ROBO1: variants seen among roughly 807,000 people sequenced by gnomAD.
ROBO1 encodes roundabout homolog 1.
Under a neutral mutation model 195.9 loss-of-function variants are expected in ROBO1, and 149 were observed. The observed-to-expected ratio is 0.76, with a 90% confidence interval of 0.67 to 0.87. The LOEUF is 0.87. ROBO1 is among the 40% of genes least tolerant of loss of function. ROBO1 has a pLI of 0.00. For missense variants in ROBO1, 1,933 were observed against 2,068.3 expected, an observed-to-expected ratio of 0.93 and a Z score of 1.27; for synonymous variants, 816 against 733.2, an observed-to-expected ratio of 1.11 and a Z score of -1.82.
At chr3:79,385,079 T>C (rs1036634458) in intron 2 of ROBO1, among the ~76,000 whole-genome samples, 6 of 152,128 alleles carry the variant, frequency 3.9e-5, no homozygotes, top group Non-Finnish European at 8.8e-5. Flanking sequence ...AAGTGTACCA[T>C]GAAAAAGCTT....
intron 2 of ROBO1, among the ~76,000 whole-genome samples, chr3:79,173,707 G>C (rs1333475861): frequency 2.6e-5 from 4 of 152,150 alleles, no homozygotes; most frequent in African/African-American, 4.8e-5. Context: ...GAGGAGTGCG[G>C]GCACAGGGTG....
At position 79,089,986 on chromosome 3, in the gene ROBO1, C is replaced by A. The variant is rs143323386; in HGVS notation, c.172+35470G>T. On this transcript the variant is annotated intron_variant, in intron 3 of 30. Coordinates refer to ENST00000464233, the MANE Select transcript of ROBO1 (RefSeq NM_002941.4). ...ACGGAGTCTTCCTCTGTTGCCCAGG[C>A]TGGAGTGCAGTGGTGCAATCTTGGC... Among the ~76,000 whole-genome samples, 1,116 of 149,650 alleles carry A rather than the reference C, an allele frequency of 7.5e-3. 22 individuals carry two copies. Among genetic ancestry groups the A allele is most frequent in the African/African-American group, 0.026 (1,068 of 40,374 alleles).
rs1707383118 is a variant in ROBO1 at position 78,661,242 on chromosome 3, T to C, written c.2108A>G (p.Tyr703Cys). 4.4e-6 allele frequency: 7 copies of C among 1,583,836 alleles called. No individual in the cohort carries two copies. Among genetic ancestry groups the C allele is most frequent in the Non-Finnish European group, 6.0e-6 (7 of 1,161,962 alleles). ...ATAGAGAATTTTATATCCTTGTATATACTGAGACTGTTGATCTACCTATTA... is the reference window on the plus strand; with the variant it reads ...ATAGAGAATTTTATATCCTTGTATACACTGAGACTGTTGATCTACCTATTA... ...VHWTVDQQSQ[Y>C]IQGYKILYRP... The change falls in exon 16 of 31, where the codon TAT (tyrosine) becomes TGT (cysteine). Residue 703 changes from tyrosine to cysteine, a missense_variant. Physicochemically the swap from Tyr to Cys is radical, Grantham distance 194 (BLOSUM62 -2). Transcript: ENST00000464233.
intron 2 of ROBO1, among the ~76,000 whole-genome samples, chr3:79,476,276 T>C (rs1938541956): frequency 6.6e-6 from 1 of 152,112 alleles, no homozygotes; most frequent in South Asian, 2.1e-4. Context: ...GGGAACACTT[T>C]TGCACTGCTG....
At chr3:78,896,384 A>C (rs529718037) in intron 4 of ROBO1, among the ~76,000 whole-genome samples, 1 of 152,112 alleles carries the variant, frequency 6.6e-6, no homozygotes, top group Non-Finnish European at 1.5e-5. Context: ...GCCTTAACTG[A>C]TGACATTCCA....
At chr3:79,204,852 T>C (rs1004667224) in intron 2 of ROBO1, among the ~76,000 whole-genome samples, 1 of 152,234 alleles carries the variant, frequency 6.6e-6, no homozygotes, top group Non-Finnish European at 1.5e-5. Flanking sequence ...AAATTGCTTT[T>C]TTCTAACTTT....
intron 4 of ROBO1, among the ~76,000 whole-genome samples, chr3:78,876,306 C>A (rs2107203376): frequency 6.6e-6 from 1 of 152,102 alleles, no homozygotes; most frequent in East Asian, 1.9e-4. Flanking sequence ...TTAGAGACAA[C>A]TATACTTGAA....
intron 3 of ROBO1, among the ~76,000 whole-genome samples, chr3:78,961,189 C>T (rs1028372202): frequency 2.6e-5 from 4 of 152,106 alleles, no homozygotes; most frequent in African/African-American, 9.7e-5. Flanking sequence ...CTTTGCAAAT[C>T]TGACACCCAA....
chr3:79,234,948 T>C (rs999352257), intron 2 of ROBO1, among the ~76,000 whole-genome samples: 5 of 152,044 alleles, frequency 3.3e-5, no homozygotes, highest in African/African-American at 1.2e-4. Context: ...GTAGCAAACT[T>C]GCACACGTAC....
At chr3:79,759,857 A>G (rs1361367722) in intron 1 of ROBO1, among the ~76,000 whole-genome samples, 2 of 152,160 alleles carry the variant, frequency 1.3e-5, no homozygotes, top group African/African-American at 4.8e-5. Flanking sequence ...CCACCCACAT[A>G]TGGAACACTT....
At chr3:78,746,671 CTCTTTTT>C in intron 5 of ROBO1, 65 bp downstream of exon 5, 1 of 1,253,504 alleles carries the variant, frequency 8.0e-7, no homozygotes. Context: ...CTTCATTTTT[CTCTTTTT>C]TCTTTGGTAA....
chr3:78,921,092 T>A (rs891025778), intron 4 of ROBO1, among the ~76,000 whole-genome samples: 2 of 152,170 alleles, frequency 1.3e-5, no homozygotes, highest in African/African-American at 2.4e-5. Context: ...TTAATAAACA[T>A]AAATCAGTGC....
intron 17 of ROBO1, 70 bp downstream of exon 17, chr3:78,659,616 C>A: frequency 8.3e-7 from 1 of 1,199,112 alleles, no homozygotes; most frequent in South Asian, 2.9e-5. Flanking sequence ...AAATACCAGC[C>A]TGCTTTTTCT....
intron 10 of ROBO1, chr3:78,670,651 A>C (rs1708016799): frequency 5.8e-6 from 1 of 172,260 alleles, no homozygotes; most frequent in African/African-American, 2.4e-5. Flanking sequence ...GAAAAAACAC[A>C]ACATAACAAA....
At chr3:79,303,279 G>C (rs757582021) in intron 2 of ROBO1, among the ~76,000 whole-genome samples, 1 of 147,456 alleles carries the variant, frequency 6.8e-6, no homozygotes, top group South Asian at 2.1e-4. Flanking sequence ...TGATTCTCCT[G>C]CCTCAGCCTC....
intron 2 of ROBO1, among the ~76,000 whole-genome samples, chr3:79,577,088 A>C (rs554636759): frequency 6.6e-6 from 1 of 152,086 alleles, no homozygotes. Context: ...TAATATTTTA[A>C]GACTTCAAGA....
At position 78,864,804 on chromosome 3, in the gene ROBO1, G is replaced by GA. The variant is rs961921177; in HGVS notation, c.499+73796dup. Among the ~76,000 whole-genome samples the GA allele has an allele frequency of 1.8e-4, 23 of 127,882 alleles. 1 individual carries two copies. The East Asian group carries it at 2.2e-3, about 12-fold the overall frequency. 83.9% of individuals were successfully genotyped at this position (127,882 alleles called of 152,430 possible). On this transcript the variant is annotated intron_variant, in intron 4 of 30. Coordinates refer to ENST00000464233, the MANE Select transcript of ROBO1 (RefSeq NM_002941.4). ...CTAGTTTAACCCTGTTTGTACACAA[G>GA]AAAAAAAAAAGATTTTTCTTTCAGA...
At chr3:79,040,500 C>G (rs971827839) in intron 3 of ROBO1, among the ~76,000 whole-genome samples, 1 of 152,056 alleles carries the variant, frequency 6.6e-6, no homozygotes, top group African/African-American at 2.4e-5. Context: ...ATGGGTAACA[C>G]CAAAGGTCAA....
intron 2 of ROBO1, among the ~76,000 whole-genome samples, chr3:79,142,186 A>G (rs2080541990): frequency 6.6e-6 from 1 of 152,214 alleles, no homozygotes; most frequent in Admixed American, 6.5e-5. Context: ...CAAAAAACAT[A>G]CAAAATAACC....
Sources: gnomAD v4.1 joint callset for allele counts (sites outside exome capture counted in the v4.1 genomes callset) on GRCh38, gnomAD v4.1.1 for gene constraint, MANE v1.5 for transcripts, NCBI Gene and HGNC (gene_info 2026-07-23, HGNC 2026-07-21) for gene names.